SOX6: variants seen among roughly 807,000 people sequenced by gnomAD.
SOX6 encodes transcription factor SOX-6.
SOX6 carries 11 observed loss-of-function variants against 97.8 expected under a neutral mutation model. The observed-to-expected ratio is 0.11, with a 90% CI of 0.07 to 0.19. SOX6 has a LOEUF of 0.19. Ranked by LOEUF, SOX6 falls within the 10% of genes least tolerant of loss-of-function variation. The pLI is 1.00. For missense variants in SOX6, 810 were observed against 1,039.5 expected (o/e 0.78, Z 3.04); for synonymous variants, 360 against 371.4 (o/e 0.97, Z 0.35).
At chr11:16,463,423 G>A (rs1454052495) in intron 1 of SOX6, among the ~76,000 whole-genome samples, 4 of 152,126 alleles carry the variant, frequency 2.6e-5, no homozygotes, top group Admixed American at 2.6e-4. Context: ...ACAAATATGT[G>A]ATAAATACCA....
At chr11:16,353,613 C>T (rs1305408030) in intron 1 of SOX6, among the ~76,000 whole-genome samples, 1 of 152,002 alleles carries the variant, frequency 6.6e-6, no homozygotes, top group Non-Finnish European at 1.5e-5. Flanking sequence ...TTAAATTTCT[C>T]ACTTGCATTT....
At chr11:16,652,359 CTA>C (rs1847666022) in intron 3 of SOX6, among the ~76,000 whole-genome samples, 1 of 152,108 alleles carries the variant, frequency 6.6e-6, no homozygotes, top group South Asian at 2.1e-4. Flanking sequence ...TGACTTCAAA[CTA>C]TACTACAAGG....
chr11:16,141,591 G>A (rs547091742), intron 6 of SOX6, among the ~76,000 whole-genome samples: 1 of 152,126 alleles, frequency 6.6e-6, no homozygotes, highest in Non-Finnish European at 1.5e-5. Context: ...AAAGCGCAAG[G>A]GGTCAGGGAA....
chr11:16,237,969 AT>A (rs1421950306), intron 3 of SOX6, among the ~76,000 whole-genome samples: 2 of 151,944 alleles, frequency 1.3e-5, no homozygotes, highest in Non-Finnish European at 2.9e-5. Context: ...ATATGTACAT[AT>A]TTTTAAAAAA....
chr11:16,005,057 G>A (rs976856136), intron 13 of SOX6, among the ~76,000 whole-genome samples: 2 of 151,998 alleles, frequency 1.3e-5, no homozygotes, highest in Non-Finnish European at 1.5e-5. Context: ...AACAGAAGTA[G>A]TAGAATGCTT....
At chr11:16,248,540 C>T (rs529598361) in intron 3 of SOX6, among the ~76,000 whole-genome samples, 15 of 152,206 alleles carry the variant, frequency 9.9e-5, no homozygotes, top group Admixed American at 2.0e-4. Flanking sequence ...AGATCCTACC[C>T]CTCGTGAAAG....
chr11:16,304,099 A>G (rs967147325), intron 3 of SOX6, among the ~76,000 whole-genome samples: 1 of 152,044 alleles, frequency 6.6e-6, no homozygotes, highest in Non-Finnish European at 1.5e-5. Context: ...TATTTTTAGT[A>G]GAGATGGGAT....
In SOX6 at chr11:16,596,906, A is replaced by T. The variant is rs565256749; in HGVS notation, n.609+15175T>A. Among the ~76,000 whole-genome samples the T allele has an allele frequency of 4.6e-5, 7 of 152,288 alleles. No homozygotes were observed. In the East Asian group the frequency reaches 1.4e-3, roughly 29 times the overall value. Reference sequence around the variant, plus strand: ...TTATTCTTTTACATTGGTGTACGGGAAATGCAGCAATAATTTGGCTCTGGA... The same window carrying T: ...TTATTCTTTTACATTGGTGTACGGGTAATGCAGCAATAATTTGGCTCTGGA... On this transcript the variant is annotated intron_variant and non_coding_transcript_variant, in intron 4 of 5. Transcript: ENST00000524520.
chr11:16,183,383 A>G (rs1421259818), intron 6 of SOX6, among the ~76,000 whole-genome samples: 1 of 152,014 alleles, frequency 6.6e-6, no homozygotes, highest in Non-Finnish European at 1.5e-5. Flanking sequence ...AAGACAAACT[A>G]TCACTCATTA....
At chr11:16,284,613 A>G (rs1046774480) in intron 3 of SOX6, among the ~76,000 whole-genome samples, 1 of 152,148 alleles carries the variant, frequency 6.6e-6, no homozygotes, top group Non-Finnish European at 1.5e-5. Flanking sequence ...AATTAAACAA[A>G]CACGGTGCCC....
At chr11:16,609,066 T>C (rs1337819670) in intron 4 of SOX6, among the ~76,000 whole-genome samples, 1 of 152,110 alleles carries the variant, frequency 6.6e-6, no homozygotes, top group Non-Finnish European at 1.5e-5. Context: ...ACATAGAATG[T>C]CATAAAGAAG....
chr11:16,096,139 A>G (rs1483136479), intron 8 of SOX6, 21 bp from the exon 9 acceptor site: 3 of 664,844 alleles, frequency 4.5e-6, no homozygotes, highest in Non-Finnish European at 4.4e-6. Flanking sequence ...GCATATTCAG[A>G]AAAAAAAAAA....
At chr11:16,509,087 G>T (rs1860835835) in intron 4 of SOX6, among the ~76,000 whole-genome samples, 1 of 151,884 alleles carries the variant, frequency 6.6e-6, no homozygotes, top group African/African-American at 2.4e-5. Context: ...TGAGGAACTT[G>T]CAGGAAATAA....
rs185018999 is a variant in SOX6, at chr11:16,175,175, T to C, written c.777+8711A>G. ...TGGGTTCTAAATATGCATGTGTGTA[T>C]AGATACAAATGTGTGTATATGTGCA... On this transcript the variant is annotated intron_variant, in intron 6 of 15. Transcript: ENST00000683767. Among the ~76,000 whole-genome samples, 10 of 152,062 alleles carry C rather than the reference T, an allele frequency of 6.6e-5. No homozygotes were observed. The East Asian group carries it at 1.7e-3, about 27-fold the overall frequency.
intron 9 of SOX6, among the ~76,000 whole-genome samples, chr11:16,089,978 A>G (rs552790673): frequency 8.0e-4 from 122 of 152,208 alleles, no homozygotes; most frequent in Middle Eastern, 3.4e-3. Flanking sequence ...CAGAATTCCA[A>G]CGTAGCTCAT....
intron 6 of SOX6, among the ~76,000 whole-genome samples, chr11:16,120,880 A>G (rs994077140): frequency 6.6e-6 from 1 of 152,068 alleles, no homozygotes; most frequent in Non-Finnish European, 1.5e-5. Context: ...ACTCTCTTCC[A>G]TAGTTACAGA....
At chr11:16,242,323 A>G (rs562949821) in intron 3 of SOX6, among the ~76,000 whole-genome samples, 21 of 152,106 alleles carry the variant, frequency 1.4e-4, no homozygotes, top group Non-Finnish European at 2.5e-4. Flanking sequence ...CCTAAGATCA[A>G]TAGGTTATAC....
intron 3 of SOX6, among the ~76,000 whole-genome samples, chr11:16,641,283 T>G (rs1321046815): frequency 6.6e-6 from 1 of 152,158 alleles, no homozygotes; most frequent in South Asian, 2.1e-4. Context: ...ACAGTTTGTT[T>G]TAATTTCTGT....
intron 2 of SOX6, among the ~76,000 whole-genome samples, chr11:16,733,340 A>G (rs1848365400): frequency 6.6e-6 from 1 of 152,208 alleles, no homozygotes; most frequent in Non-Finnish European, 1.5e-5. Flanking sequence ...ATACCCATCA[A>G]TGATAGACTG....
Sources: gnomAD v4.1 joint callset for allele counts (sites outside exome capture counted in the v4.1 genomes callset) on GRCh38, gnomAD v4.1.1 for gene constraint, MANE v1.5 for transcripts, NCBI Gene and HGNC (gene_info 2026-07-23, HGNC 2026-07-21) for gene names.